The following AGBL2 variants were observed in gnomAD, a reference collection of about 807,000 sequenced individuals.
AGBL2 encodes cytosolic carboxypeptidase 2.
Under a neutral mutation model 103.0 loss-of-function variants are expected in AGBL2, and 87 were observed. The observed-to-expected ratio is 0.84, with a 90% CI of 0.71 to 1.01. AGBL2 has a LOEUF of 1.01. AGBL2 is among the 50% of genes least tolerant of loss of function. The pLI is 0.00. For synonymous variants in AGBL2, 335 were observed against 356.7 expected (o/e 0.94, Z 0.69); for missense variants, 904 against 1,023.5 (o/e 0.88, Z 1.59).
intron 11 of AGBL2, among the ~76,000 whole-genome samples, chr11:47,685,256 T>A (rs1279564525): frequency 5.3e-5 from 8 of 152,098 alleles, no homozygotes; most frequent in Non-Finnish European, 1.0e-4. Flanking sequence ...TGTTGATTGG[T>A]TGATGGACAC....
chr11:47,714,136 A>T, intron 3 of AGBL2, 148 bp downstream of exon 3: 1 of 634,696 alleles, frequency 1.6e-6, no homozygotes, highest in South Asian at 1.9e-5. Context: ...GGGGAAAGGA[A>T]GTACTTTTCA....
Position 47,660,035 on chromosome 11 carries a change from T to TGTAAG in AGBL2, c.*133_*137dup, listed in dbSNP as rs1435569847. ...ACATGCCCACAGTGTAAGTACAAAG[T>TGTAAG]GTAAGGTCAGTGCATGAGTGCACAA... On this transcript the variant is annotated 3_prime_UTR_variant, in exon 19 of 19. Coordinates refer to ENST00000525123, the MANE Select transcript of AGBL2 (RefSeq NM_024783.4). 1.2e-6 allele frequency: 1 copy of TGTAAG among 844,510 alleles called. No individual in the cohort carries two copies. Among genetic ancestry groups the TGTAAG allele is most frequent in the African/African-American group, 1.7e-5 (1 of 57,768 alleles). 52.3% of individuals were successfully genotyped at this position (844,510 alleles called of 1,614,324 possible). A position where few individuals can be genotyped will look rare whatever the true frequency, so the allele number is the denominator to read the frequency against.
chr11:47,711,381 A>T (rs2097536014), intron 3 of AGBL2, among the ~76,000 whole-genome samples: 1 of 152,158 alleles, frequency 6.6e-6, no homozygotes, highest in Non-Finnish European at 1.5e-5. Context: ...TTTGCATAAG[A>T]CAACCTTTCT....
At position 47,690,171 on chromosome 11, in the gene AGBL2, C is replaced by A; in HGVS notation, c.1536G>T (p.Arg512=). 3 of 1,614,136 alleles carry A rather than the reference C, an allele frequency of 1.9e-6. No individual in the cohort carries two copies. Among genetic ancestry groups the A allele is most frequent in the Non-Finnish European group, 2.5e-6 (3 of 1,180,022 alleles). Reference sequence around the variant, plus strand: ...TCAAATCCCTTCCGGCCAAGGAACACCGATAATTCCCCACAATCACACCAT... The same window carrying A: ...TCAAATCCCTTCCGGCCAAGGAACAACGATAATTCCCCACAATCACACCAT... The part of the protein sequence containing the change: ...NPDGVIVGNY[R]CSLAGRDLNR... The change falls in exon 10 of 19, where the codon CGG becomes CGT. Residue 512 remains arginine, a synonymous_variant. Coordinates refer to ENST00000525123, the MANE Select transcript of AGBL2 (RefSeq NM_024783.4).
chr11:47,681,571 G>A (rs574902151), intron 12 of AGBL2, among the ~76,000 whole-genome samples: 40 of 152,160 alleles, frequency 2.6e-4, no homozygotes, highest in South Asian at 1.7e-3. Flanking sequence ...GGGTTCAAGC[G>A]ATTCTCCTGC....
At position 47,706,890 on chromosome 11, in the gene AGBL2, C is replaced by CATAAA. The variant is rs1554968232; in HGVS notation, c.233-974_233-973insTTTAT. ...ATGGTGAAACCCTGTCTCTACTATT[C>CATAAA]CAAAAAAAAAAAAAAAAAAAAAAGA... On this transcript the variant is annotated intron_variant, in intron 4 of 18. Transcript: ENST00000525123. 5.6e-5 allele frequency among the ~76,000 whole-genome samples: 3 copies of CATAAA among 53,240 alleles called. 1 individual carries two copies. The highest frequency in any genetic ancestry group is 6.1e-5 in the Non-Finnish European group (2 of 32,858). The allele number at this position is 53,240 out of a possible 152,430, so 34.9% of individuals were successfully genotyped here.
intron 11 of AGBL2, among the ~76,000 whole-genome samples, chr11:47,683,390 A>G (rs2153803780): frequency 6.6e-6 from 1 of 152,248 alleles, no homozygotes; most frequent in South Asian, 2.1e-4. Context: ...AGAGAGAGGA[A>G]GGAAGGAAAG....
intron 14 of AGBL2, among the ~76,000 whole-genome samples, chr11:47,670,497 A>G (rs777638511): frequency 2.0e-5 from 3 of 151,982 alleles, no homozygotes; most frequent in Non-Finnish European, 2.9e-5. Flanking sequence ...AAAATAAATA[A>G]ATAACAAAAA....
intron 8 of AGBL2, among the ~76,000 whole-genome samples, chr11:47,695,423 C>A (rs11039342): frequency 0.29 from 40,962 of 142,874 alleles, 6,706 homozygotes; most frequent in Middle Eastern, 0.42. Flanking sequence ...TGCGGTGAGC[C>A]GAAATCACAC....
At chr11:47,680,134 C>A in intron 12 of AGBL2, 61 bp from the exon 13 acceptor site, 2 of 1,087,776 alleles carry the variant, frequency 1.8e-6, no homozygotes, top group South Asian at 1.4e-5. Context: ...GAATGTAAAT[C>A]TAATTTATGA....
At chr11:47,663,188 T>G in intron 17 of AGBL2, 76 bp from the exon 18 acceptor site, 1 of 871,086 alleles carries the variant, frequency 1.1e-6, no homozygotes, top group Non-Finnish European at 1.8e-6. Flanking sequence ...CATTATTCAT[T>G]TGTTTCTTAT....
intron 10 of AGBL2, among the ~76,000 whole-genome samples, 197 bp downstream of exon 10, chr11:47,689,879 C>T (rs553425268): frequency 6.6e-6 from 1 of 152,040 alleles, no homozygotes; most frequent in Non-Finnish European, 1.5e-5. Context: ...CCAGTTTCAA[C>T]CCAAAGACAA....
At chr11:47,699,647 G>T in intron 7 of AGBL2, 94 bp from the exon 8 acceptor site, 1 of 677,054 alleles carries the variant, frequency 1.5e-6, no homozygotes, top group Non-Finnish European at 2.3e-6. Context: ...TTTTTCAAAT[G>T]GCTAGTTTGG....
intron 7 of AGBL2, among the ~76,000 whole-genome samples, chr11:47,699,950 C>G: frequency 6.6e-6 from 1 of 151,536 alleles, no homozygotes; most frequent in East Asian, 2.0e-4. Flanking sequence ...AGGAAGCAAG[C>G]CTTTTTCTTT....
At chr11:47,692,449 T>A (rs1259295898) in intron 8 of AGBL2, among the ~76,000 whole-genome samples, 193 bp from the exon 9 acceptor site, 4 of 134,596 alleles carry the variant, frequency 3.0e-5, no homozygotes, top group Non-Finnish European at 6.2e-5. Context: ...TCTCACTCTG[T>A]CACCCAGGCT....
intron 7 of AGBL2, among the ~76,000 whole-genome samples, chr11:47,703,259 T>C (rs2097505376): frequency 6.6e-6 from 1 of 152,114 alleles, no homozygotes; most frequent in African/African-American, 2.4e-5. Context: ...AGCACCCCTG[T>C]ATTTTTAGAT....
intron 13 of AGBL2, among the ~76,000 whole-genome samples, chr11:47,678,288 CTA>C (rs1491119491): frequency 1.6e-5 from 2 of 123,838 alleles, no homozygotes; most frequent in Non-Finnish European, 3.5e-5. Flanking sequence ...ATGCAATACT[CTA>C]TTTTATTTTA....
At chr11:47,675,830 A>C (rs2153803258) in intron 14 of AGBL2, among the ~76,000 whole-genome samples, 1 of 151,918 alleles carries the variant, frequency 6.6e-6, no homozygotes, top group South Asian at 2.1e-4. Context: ...ACATGGCAAA[A>C]CCTGTTCTCT....
Position 47,714,659 on chromosome 11 carries a change from T to C in AGBL2, c.-9A>G. The C allele has an allele frequency of 1.2e-6, 2 of 1,613,954 alleles. No individual in the cohort carries two copies. Among genetic ancestry groups the C allele is most frequent in the East Asian group, 2.2e-5 (1 of 44,874 alleles). The stretch of plus-strand genomic sequence containing the variant: ...TCCAAAGCTGGGAACATGTTACTTC[T>C]GGATGGTAGGCTGAAAACTAGTCAG... On this transcript the variant is annotated 5_prime_UTR_variant, in exon 2 of 19. Transcript: ENST00000525123.
Sources: allele counts gnomAD v4.1 joint callset (sites outside exome capture counted in the v4.1 genomes callset), GRCh38; gene constraint gnomAD v4.1.1; transcripts MANE v1.5; gene names NCBI Gene and HGNC (gene_info 2026-07-23, HGNC 2026-07-21).